The following ARHGEF25 variants were observed in gnomAD, a reference collection of about 807,000 sequenced individuals.
The protein encoded by ARHGEF25 is RAC/CDC42 exchange factor.
A neutral mutation model predicts 74.0 loss-of-function variants in ARHGEF25; 42 were observed. That is an observed-to-expected ratio of 0.57 (90% CI 0.44 to 0.73). ARHGEF25 has a LOEUF of 0.73. Ranked by LOEUF, ARHGEF25 falls within the 30% of genes least tolerant of loss-of-function variation. The pLI is 0.00. For synonymous variants in ARHGEF25, 293 were observed against 278.6 expected (o/e 1.05, Z -0.51); for missense variants, 645 against 725.5 (o/e 0.89, Z 1.27).
chr12:57,610,537 G>A (rs774092096), upstream of ARHGEF25: 35 of 1,568,802 alleles, frequency 2.2e-5, no homozygotes, highest in East Asian at 4.5e-5. Context: ...TGCCTAGGAG[G>A]GCAGGTTCCT....
Position 57,614,503 on chromosome 12 carries a change from T to C in ARHGEF25, c.727-13T>C, listed in dbSNP as rs1013824141. On this transcript the variant is annotated splice_polypyrimidine_tract_variant and intron_variant, in intron 7 of 14. Coordinates refer to ENST00000286494, the MANE Select transcript of ARHGEF25 (RefSeq NM_182947.4). The surrounding 1 kb of genome is among the most constrained non-coding windows in gnomAD (Gnocchi z 4.6). ...TGCCCACCCTGCTCTCTCTTAAACA[T>C]TACCCCTGTTAGGAGCGCCGGCTGC... 3 of 1,613,920 alleles carry C rather than the reference T, an allele frequency of 1.9e-6. No homozygotes were observed. Among genetic ancestry groups the C allele is most frequent in the Non-Finnish European group, 2.5e-6 (3 of 1,180,022 alleles).
chr12:57,610,655 A>T, upstream of ARHGEF25: 1 of 1,611,674 alleles, frequency 6.2e-7, no homozygotes, highest in Non-Finnish European at 8.5e-7. Context: ...GATCGCGAAC[A>T]TGAGGTCCTC....
rs1277199432 is a variant in ARHGEF25, at chr12:57,611,982, G to T, written c.88G>T (p.Gly30Trp). 1 of 1,314,022 alleles carries T rather than the reference G, an allele frequency of 7.6e-7. No individual in the cohort carries two copies. The highest frequency in any genetic ancestry group is 3.1e-5 in the Admixed American group (1 of 32,778). The allele number at this position is 1,314,022 out of a possible 1,614,324, so 81.4% of individuals were successfully genotyped here. A position where few individuals can be genotyped will look rare whatever the true frequency, so the allele number is the denominator to read the frequency against. Residue 30 changes from glycine to tryptophan, a missense_variant, in exon 1 of 15, where the codon GGG becomes TGG. By Grantham distance (184) the Gly-to-Trp change is radical. Around this residue, in one of 3 missense-constraint regions of ARHGEF25, gnomAD observed 189 missense variants for 199.1 expected, o/e 0.95. Transcript: ENST00000286494. The surrounding 1 kb of genome is among the most constrained non-coding windows in gnomAD (Gnocchi z 4.5). Reference sequence around the variant, plus strand: ...AAAATGCGGCTGCTGCTTCGCCCGGGGGGGACGTGGTGAGTGCCAGGTCGA... The same window carrying T: ...AAAATGCGGCTGCTGCTTCGCCCGGTGGGGACGTGGTGAGTGCCAGGTCGA... ...LAKCGCCFARGGRESYSIAGS... is the reference protein window; with the variant it reads ...LAKCGCCFARWGRESYSIAGS...
upstream of ARHGEF25, chr12:57,610,423 A>C: frequency 9.2e-7 from 1 of 1,084,536 alleles, no homozygotes. Context: ...CAGTCGCAGG[A>C]ATACATGAAT....
intron 14 of ARHGEF25, 67 bp downstream of exon 14, chr12:57,616,562 C>T (rs1323007986): frequency 6.9e-7 from 1 of 1,442,576 alleles, no homozygotes; most frequent in African/African-American, 1.4e-5. Flanking sequence ...TCTGGGACCC[C>T]AAGTTCCCTC....
At chr12:57,612,238 C>G (rs976623421) in intron 1 of ARHGEF25, 2 of 281,308 alleles carry the variant, frequency 7.1e-6, no homozygotes, top group East Asian at 1.2e-4. Flanking sequence ...GAAAAACCCA[C>G]CCACAATCCC....
upstream of ARHGEF25, chr12:57,610,267 G>A: frequency 6.3e-7 from 1 of 1,590,448 alleles, no homozygotes; most frequent in African/African-American, 1.4e-5. Context: ...GGATACTGGG[G>A]GTCATGGGGG....
intron 1 of ARHGEF25, 136 bp from the exon 2 acceptor site, chr12:57,612,794 A>G: frequency 2.0e-6 from 3 of 1,493,902 alleles, no homozygotes; most frequent in Non-Finnish European, 2.7e-6. Context: ...GCCAACTCAA[A>G]TGAGGATGGC....
In ARHGEF25 at chr12:57,611,501, C is replaced by G; in HGVS notation, c.-394C>G. The stretch of plus-strand genomic sequence containing the variant: ...GCTCGGGGGTCGGCCCTCGCCTCCT[C>G]CCCGGCCCGGGCCTAGAGCCACCCC... On this transcript the variant is annotated 5_prime_UTR_variant, in exon 1 of 15. Coordinates refer to ENST00000286494, the MANE Select transcript of ARHGEF25 (RefSeq NM_182947.4). The surrounding 1 kb of genome is among the most constrained non-coding windows in gnomAD (Gnocchi z 4.5). 8 of 986,236 alleles carry G rather than the reference C, an allele frequency of 8.1e-6. No homozygotes were observed. Among genetic ancestry groups the G allele is most frequent in the Non-Finnish European group, 9.6e-6 (8 of 830,514 alleles). 61.1% of individuals were successfully genotyped at this position (986,236 alleles called of 1,614,324 possible). A position where few individuals can be genotyped will look rare whatever the true frequency, so the allele number is the denominator to read the frequency against.
At chr12:57,610,752 T>C, upstream of ARHGEF25, 1 of 1,324,528 alleles carries the variant, frequency 7.5e-7, no homozygotes, top group Non-Finnish European at 1.0e-6. Flanking sequence ...TCAAAAATAT[T>C]CTATTCTTAT....
Position 57,615,298 on chromosome 12 carries a change from G to C in ARHGEF25, c.1022G>C (p.Arg341Thr). ...TGCAACGATATGATGACGCTGGGGA[G>C]ATTGCGGGGATTTGAGGTACGGAGA... ...KRCNDMMTLG[R>T]LRGFEGKLTA... is the part of the protein sequence containing the mutation. The change falls in exon 11 of 15, where the codon AGA becomes ACA. Residue 341 changes from arginine (R) to threonine (T), a missense_variant. This residue lies in a region of ARHGEF25 where 194 missense variants were observed against 269.4 expected (regional missense o/e 0.72). Transcript: ENST00000286494. 6.2e-7 allele frequency: 1 copy of C among 1,608,700 alleles called. No individual in the cohort carries two copies. Among genetic ancestry groups the C allele is most frequent in the Non-Finnish European group, 8.5e-7 (1 of 1,177,550 alleles).
upstream of ARHGEF25, chr12:57,610,392 C>A: frequency 8.2e-7 from 1 of 1,217,532 alleles, no homozygotes; most frequent in Non-Finnish European, 1.1e-6. Flanking sequence ...CTCAACTTAT[C>A]CGAAAACGAG....
chr12:57,613,700 C>G lies in ARHGEF25; in HGVS notation c.492C>G (p.Val164=), dbSNP rs1594959947. 4 of 1,614,076 alleles carry G rather than the reference C, an allele frequency of 2.5e-6. No homozygotes were observed. The South Asian group carries it at 4.4e-5, about 18-fold the overall frequency. ...CCTCCTGCTTTCATCCTAGGTATGT[C>G]CTGAGTGAACTGGTAGAAACAGAGA... ...KKKALERSMY[V]LSELVETEKM... The change falls in exon 5 of 15, where the codon GTC becomes GTG. Residue 164 remains valine (V), a synonymous_variant. Transcript: ENST00000286494.
upstream of ARHGEF25, chr12:57,610,578 G>A (rs1261610503): frequency 6.2e-7 from 1 of 1,609,790 alleles, no homozygotes; most frequent in Non-Finnish European, 8.5e-7. Context: ...AGCCCCCAAG[G>A]AGAAGCCCTC....
rs748306195 is a variant in ARHGEF25 at position 57,614,057 on chromosome 12, T to A, written c.594T>A (p.Ser198Arg). ...TGGCTGCTCAGGGGGTCCCCGAGAG[T>A]CTTCGAGGCCGTGACAGGATTGTGT... ...ATMAAQGVPE[S>R]LRGRDRIVFG... Residue 198 changes from serine to arginine, a missense_variant, in exon 6 of 15, where the codon AGT becomes AGA. Transcript: ENST00000286494. The surrounding 1 kb of genome is among the most constrained non-coding windows in gnomAD (Gnocchi z 4.6). 7.4e-6 allele frequency: 12 copies of A among 1,612,740 alleles called. No individual in the cohort carries two copies. In the Admixed American group the frequency reaches 2.0e-4, roughly 27 times the overall value.
intron 13 of ARHGEF25, 42 bp downstream of exon 13, chr12:57,616,059 C>A: frequency 6.3e-7 from 1 of 1,582,596 alleles, no homozygotes; most frequent in Non-Finnish European, 8.6e-7. Flanking sequence ...TCTCTCAGCC[C>A]CTTAACCTCC....
chr12:57,610,462 G>C, upstream of ARHGEF25: 1 of 1,136,650 alleles, frequency 8.8e-7, no homozygotes, highest in Non-Finnish European at 1.2e-6. Context: ...GCCCCGTTCT[G>C]GGCGAGCCTT....
At position 57,611,709 on chromosome 12, in the gene ARHGEF25, T is replaced by C. The variant is rs978580599; in HGVS notation, c.-186T>C. On this transcript the variant is annotated 5_prime_UTR_variant, in exon 1 of 15. Transcript: ENST00000286494. This position sits in a 1 kb window ranked among gnomAD's most constrained non-coding sequence, Gnocchi z 4.5. ...TCTCTCTCTCTAGAGCCCCCAGCCCTCCTCAAGACTAGACTTCCGCCTACC... is the reference window on the plus strand; with the variant it reads ...TCTCTCTCTCTAGAGCCCCCAGCCCCCCTCAAGACTAGACTTCCGCCTACC... The C allele has an allele frequency of 4.4e-5, 51 of 1,159,040 alleles. 1 individual carries two copies. In the African/African-American group the frequency reaches 4.9e-4, roughly 11 times the overall value. 71.8% of individuals were successfully genotyped at this position (1,159,040 alleles called of 1,614,324 possible).
intron 14 of ARHGEF25, 42 bp from the exon 15 acceptor site, chr12:57,616,742 T>G: frequency 7.1e-7 from 1 of 1,405,348 alleles, no homozygotes; most frequent in Middle Eastern, 1.8e-4. Context: ...TGAGGGTAGA[T>G]TTCTGGCCTT....
Sources: allele counts gnomAD v4.1 joint callset, GRCh38; gene constraint gnomAD v4.1.1; regional missense constraint gnomAD v4.1.1; non-coding constraint Gnocchi (gnomAD v3.1); transcripts MANE v1.5; gene names NCBI Gene and HGNC (gene_info 2026-07-23, HGNC 2026-07-21).